LRRC4C: variants seen among roughly 807,000 people sequenced by gnomAD.
The protein encoded by LRRC4C is leucine rich repeat containing 4C, also known as leucine-rich repeat-containing protein 4C.
LRRC4C carries 5 observed loss-of-function variants against 33.6 expected under a neutral mutation model. That is an observed-to-expected ratio of 0.15 (90% CI 0.08 to 0.31). LRRC4C has a LOEUF of 0.31. Ranked by LOEUF, LRRC4C falls within the 10% of genes least tolerant of loss-of-function variation. LRRC4C has a pLI of 1.00. For missense variants in LRRC4C, 560 were observed against 796.7 expected (o/e 0.70, Z 3.58); for synonymous variants, 329 against 302.0 (o/e 1.09, Z -0.93).
chr11:40,745,376 T>C lies in LRRC4C; in HGVS notation c.-406-97098A>G, dbSNP rs76130846. Among the ~76,000 whole-genome samples the C allele has an allele frequency of 4.4e-3, 668 of 152,314 alleles. 7 individuals carry two copies. The highest frequency in any genetic ancestry group is 0.015 in the African/African-American group (623 of 41,578). On this transcript the variant is annotated intron_variant, in intron 2 of 6. Coordinates refer to ENST00000528697, the MANE Select transcript of LRRC4C (RefSeq NM_001258419.2). ...ACAATGAGAGAGAAAGTTAAAAATA[T>C]ATATTTTGGAAGGTACATTTTCAAA... is the stretch of plus-strand genomic sequence containing the variant.
chr11:40,567,769 A>C (rs1268095513), intron 3 of LRRC4C, among the ~76,000 whole-genome samples: 3 of 152,206 alleles, frequency 2.0e-5, no homozygotes, highest in Admixed American at 2.0e-4. Context: ...CTCTAGCCTG[A>C]CCAGATTATT....
At chr11:40,205,768 T>C (rs1286364311) in intron 5 of LRRC4C, among the ~76,000 whole-genome samples, 2 of 152,156 alleles carry the variant, frequency 1.3e-5, no homozygotes, top group Non-Finnish European at 2.9e-5. Flanking sequence ...TTTGACCAAC[T>C]AGGTTCTTCA....
At chr11:40,583,268 TACTC>T (rs897292777) in intron 3 of LRRC4C, among the ~76,000 whole-genome samples, 10 of 152,204 alleles carry the variant, frequency 6.6e-5, no homozygotes, top group African/African-American at 2.4e-4. Context: ...TATTTCCTCT[TACTC>T]ACTCTTCACT....
intron 4 of LRRC4C, among the ~76,000 whole-genome samples, chr11:40,259,915 A>G (rs1337650780): frequency 6.6e-6 from 1 of 151,464 alleles, no homozygotes; most frequent in Non-Finnish European, 1.5e-5. Flanking sequence ...CAGGTGCTGG[A>G]GAGGATGTGG....
intron 1 of LRRC4C, among the ~76,000 whole-genome samples, chr11:40,968,035 CAGTT>C (rs1261842333): frequency 3.9e-5 from 6 of 151,926 alleles, no homozygotes; most frequent in Non-Finnish European, 7.4e-5. Context: ...TTGTGCAAAA[CAGTT>C]AGTCAAGTGG....
At chr11:40,566,581 C>G (rs1957777532) in intron 3 of LRRC4C, among the ~76,000 whole-genome samples, 1 of 151,888 alleles carries the variant, frequency 6.6e-6, no homozygotes, top group Non-Finnish European at 1.5e-5. Flanking sequence ...GTTAAATGAG[C>G]AGGTATGTTT....
At chr11:40,203,246 A>G (rs1862900220) in intron 5 of LRRC4C, among the ~76,000 whole-genome samples, 1 of 152,196 alleles carries the variant, frequency 6.6e-6, no homozygotes, top group Non-Finnish European at 1.5e-5. Context: ...CCGTGAGTTT[A>G]GTGGCAGCAA....
intron 2 of LRRC4C, among the ~76,000 whole-genome samples, chr11:40,748,994 C>T (rs80141168): frequency 0.032 from 4,825 of 152,022 alleles, 76 homozygotes; most frequent in South Asian, 0.038. Context: ...GCAAATAATA[C>T]TACATCTAAA....
chr11:40,229,532 C>A (rs1306954565), intron 5 of LRRC4C, among the ~76,000 whole-genome samples: 1 of 152,106 alleles, frequency 6.6e-6, no homozygotes, highest in Non-Finnish European at 1.5e-5. Flanking sequence ...CTCAGCCTCC[C>A]AAAGGGCTGG....
At chr11:40,948,136 A>G (rs7948700) in intron 1 of LRRC4C, among the ~76,000 whole-genome samples, 148,816 of 152,102 alleles carry the variant, frequency 0.98, 72,903 homozygotes, top group East Asian at 1. Context: ...TGACTCCCCC[A>G]TATAAGTCAC....
chr11:40,770,402 C>T (rs1184872833), intron 2 of LRRC4C, among the ~76,000 whole-genome samples: 1 of 152,112 alleles, frequency 6.6e-6, no homozygotes, highest in African/African-American at 2.4e-5. Flanking sequence ...AGGTCTCTTC[C>T]CCAACACATG....
chr11:40,153,335 G>A (rs1030047101), intron 5 of LRRC4C, among the ~76,000 whole-genome samples: 2 of 152,132 alleles, frequency 1.3e-5, no homozygotes, highest in East Asian at 3.9e-4. Context: ...CTATCCAAAT[G>A]AGAAGGAGCC....
intron 3 of LRRC4C, among the ~76,000 whole-genome samples, chr11:40,643,077 A>C (rs12223033): frequency 0.15 from 23,375 of 152,186 alleles, 1,850 homozygotes; most frequent in Non-Finnish European, 0.18. Context: ...GAATCCAAGT[A>C]ATGACATGGT....
intron 3 of LRRC4C, among the ~76,000 whole-genome samples, chr11:40,624,595 A>G (rs1012496106): frequency 1.3e-5 from 2 of 152,080 alleles, no homozygotes; most frequent in Non-Finnish European, 2.9e-5. Context: ...ATTCACAAAA[A>G]CCAAGCTCTG....
intron 2 of LRRC4C, among the ~76,000 whole-genome samples, chr11:40,821,727 T>G (rs2135469981): frequency 6.6e-6 from 1 of 151,718 alleles, no homozygotes; most frequent in South Asian, 2.1e-4. Context: ...ACTAAAAAAC[T>G]TTCACAGACC....
intron 1 of LRRC4C, among the ~76,000 whole-genome samples, chr11:41,283,816 A>G (rs1250175246): frequency 2.0e-5 from 3 of 152,216 alleles, no homozygotes; most frequent in Non-Finnish European, 2.9e-5. Flanking sequence ...ACTGGGTGCC[A>G]ACATTGGCAT....
rs184397059 is a variant in LRRC4C at position 40,947,679 on chromosome 11, T to C, written c.-495-13956A>G. Among the ~76,000 whole-genome samples the C allele has an allele frequency of 5.4e-4, 82 of 152,144 alleles. No individual in the cohort carries two copies. In the East Asian group the frequency reaches 8.4e-3, roughly 16 times the overall value. On this transcript the variant is annotated intron_variant, in intron 1 of 6. Coordinates refer to ENST00000528697, the MANE Select transcript of LRRC4C (RefSeq NM_001258419.2). ...ACGTGTACAGATCTCTGGAGTGCTC[T>C]TCTCTCATTCTCTCTCACTCTCCCT...
At chr11:40,332,879 T>G (rs1946425440) in intron 3 of LRRC4C, among the ~76,000 whole-genome samples, 1 of 152,226 alleles carries the variant, frequency 6.6e-6, no homozygotes. Context: ...TCTGCATATA[T>G]CTTCACTAAG....
chr11:41,402,409 A>G (rs1490249719), intron 1 of LRRC4C, among the ~76,000 whole-genome samples: 1 of 151,928 alleles, frequency 6.6e-6, no homozygotes, highest in African/African-American at 2.4e-5. Flanking sequence ...ATCCACTTAA[A>G]CCACCCTATC....
Sources: gnomAD v4.1 joint callset for allele counts (sites outside exome capture counted in the v4.1 genomes callset) on GRCh38, gnomAD v4.1.1 for gene constraint, MANE v1.5 for transcripts, NCBI Gene and HGNC (gene_info 2026-07-23, HGNC 2026-07-21) for gene names.